Variants in ITPRID1 observed in about 807,000 individuals in gnomAD.
ITPRID1 encodes ITPR interacting domain containing 1.
In ITPRID1, 96 loss-of-function variants were observed where a neutral mutation model predicts 95.4. The observed-to-expected ratio is 1.01, with a 90% CI of 0.85 to 1.19. The LOEUF (loss-of-function observed/expected upper bound fraction) is 1.19, where lower values mean the gene tolerates loss of function less well. ITPRID1 is among the 50% of genes most tolerant of loss of function. ITPRID1 has a pLI of 0.00. For missense variants in ITPRID1, 1,339 were observed against 1,252.9 expected (o/e 1.07, Z -1.04); for synonymous variants, 510 against 453.6 (o/e 1.12, Z -1.58).
chr7:31,635,489 T>C (rs1206715265), intron 10 of ITPRID1, among the ~76,000 whole-genome samples: 1 of 152,228 alleles, frequency 6.6e-6, no homozygotes, highest in East Asian at 1.9e-4. Context: ...AATGTCTGAT[T>C]TTTTATTGCT....
At chr7:31,649,890 A>G (rs1054083017) in intron 12 of ITPRID1, among the ~76,000 whole-genome samples, 2 of 152,190 alleles carry the variant, frequency 1.3e-5, no homozygotes, top group Non-Finnish European at 2.9e-5. Context: ...ACAGCAGGGG[A>G]AAGAGCTGAG....
At chr7:31,636,996 C>T (rs1789552306) in intron 10 of ITPRID1, among the ~76,000 whole-genome samples, 2 of 150,036 alleles carry the variant, frequency 1.3e-5, no homozygotes, top group African/African-American at 4.9e-5. Context: ...TTTGGTTTTT[C>T]ATCCTTGCGA....
At chr7:31,613,458 T>TA (rs1032211364) in intron 10 of ITPRID1, among the ~76,000 whole-genome samples, 2 of 152,194 alleles carry the variant, frequency 1.3e-5, no homozygotes, top group African/African-American at 4.8e-5. Flanking sequence ...CTTTGTCTTT[T>TA]TAATAAAACC....
At chr7:31,590,491 T>C (rs538540866) in intron 10 of ITPRID1, among the ~76,000 whole-genome samples, 2 of 152,338 alleles carry the variant, frequency 1.3e-5, no homozygotes, top group South Asian at 4.1e-4. Context: ...AAAAAAGATA[T>C]ATATCTGATA....
intron 5 of ITPRID1, among the ~76,000 whole-genome samples, chr7:31,561,202 T>A (rs1021246980): frequency 6.6e-6 from 1 of 152,124 alleles, no homozygotes; most frequent in Admixed American, 6.5e-5. Context: ...AACAGAAAAC[T>A]GCTTTGAGGA....
chr7:31,554,349 C>A, intron 3 of ITPRID1, 126 bp from the exon 4 acceptor site: 1 of 1,405,194 alleles, frequency 7.1e-7, no homozygotes, highest in Non-Finnish European at 9.3e-7. Flanking sequence ...AATGAATATG[C>A]TTATGGAAGG....
intron 9 of ITPRID1, among the ~76,000 whole-genome samples, chr7:31,580,694 G>A (rs1048445046): frequency 6.6e-6 from 1 of 151,934 alleles, no homozygotes; most frequent in Non-Finnish European, 1.5e-5. Context: ...ATGTTTCTTC[G>A]GCACATAGTA....
chr7:31,637,493 A>G (rs1411519968), intron 10 of ITPRID1, among the ~76,000 whole-genome samples: 1 of 152,112 alleles, frequency 6.6e-6, no homozygotes, highest in African/African-American at 2.4e-5. Context: ...GCCAGTGATG[A>G]TGAGCATTTT....
In ITPRID1 at chr7:31,653,768, T is replaced by C. The variant is rs1791149257; in HGVS notation, c.*939T>C. 1 of 152,200 alleles carries C rather than the reference T, an allele frequency of 6.6e-6. No individual in the cohort carries two copies. The highest frequency in any genetic ancestry group is 2.4e-5 in the African/African-American group (1 of 41,450). The allele number at this position is 152,200 out of a possible 1,614,324, so 9.4% of individuals were successfully genotyped here. A position where few individuals can be genotyped will look rare whatever the true frequency, so the allele number is the denominator to read the frequency against. The stretch of plus-strand genomic sequence containing the variant: ...CTTTCACAGAATATAAACATGTACG[T>C]ACATTTATTATTAAAAACTCTGAAG... On this transcript the variant is annotated 3_prime_UTR_variant, in exon 15 of 15. Transcript: ENST00000615280.
At chr7:31,598,386 C>CT (rs70986632) in intron 10 of ITPRID1, among the ~76,000 whole-genome samples, 403 of 125,800 alleles carry the variant, frequency 3.2e-3, no homozygotes, top group African/African-American at 0.011. Flanking sequence ...TAGCGAATTT[C>CT]TTTTTTTTTT....
chr7:31,641,264 G>C (rs1015961029), intron 10 of ITPRID1, among the ~76,000 whole-genome samples: 4 of 152,058 alleles, frequency 2.6e-5, no homozygotes, highest in Non-Finnish European at 4.4e-5. Flanking sequence ...TATCACTTAG[G>C]TACCAAATAC....
intron 10 of ITPRID1, among the ~76,000 whole-genome samples, chr7:31,613,550 C>T (rs1583573725): frequency 6.6e-6 from 1 of 150,720 alleles, no homozygotes; most frequent in East Asian, 1.9e-4. Context: ...TCTATATTTG[C>T]TCTGTTTGTT....
At chr7:31,515,902 C>G (rs1016927405) in intron 1 of ITPRID1, among the ~76,000 whole-genome samples, 7 of 152,132 alleles carry the variant, frequency 4.6e-5, no homozygotes, top group Non-Finnish European at 1.0e-4. Context: ...GAAGTTTTAA[C>G]GAGGCTGAGC....
chr7:31,528,615 A>C (rs1583462585), intron 1 of ITPRID1, among the ~76,000 whole-genome samples: 1 of 152,332 alleles, frequency 6.6e-6, no homozygotes, highest in Non-Finnish European at 1.5e-5. Flanking sequence ...GAGATCTCCC[A>C]GAATAGGCTG....
At chr7:31,628,899 C>A (rs1788739468) in intron 10 of ITPRID1, among the ~76,000 whole-genome samples, 1 of 152,144 alleles carries the variant, frequency 6.6e-6, no homozygotes, top group Admixed American at 6.5e-5. Context: ...GTGGACTCAA[C>A]AAGGACAATG....
intron 1 of ITPRID1, among the ~76,000 whole-genome samples, chr7:31,521,992 C>A (rs1412215668): frequency 6.8e-6 from 1 of 146,552 alleles, no homozygotes; most frequent in African/African-American, 2.5e-5. Flanking sequence ...GGAGTGACAA[C>A]TTCCAAGCTC....
At chr7:31,616,466 T>TGATGTATTAA (rs1218839691) in intron 10 of ITPRID1, among the ~76,000 whole-genome samples, 1 of 152,142 alleles carries the variant, frequency 6.6e-6, no homozygotes, top group South Asian at 2.1e-4. Context: ...TGTGTTAAAG[T>TGATGTATTAA]GATGTATTAA....
At chr7:31,610,665 T>A (rs1786824880) in intron 10 of ITPRID1, among the ~76,000 whole-genome samples, 2 of 151,650 alleles carry the variant, frequency 1.3e-5, no homozygotes, top group African/African-American at 4.8e-5. Context: ...GTCTTCCTAA[T>A]AGATTGACTC....
Position 31,592,605 on chromosome 7 carries a change from C to A in ITPRID1, c.1228+9414C>A, listed in dbSNP as rs558533969. On this transcript the variant is annotated intron_variant, in intron 10 of 14. Coordinates refer to ENST00000615280, the MANE Select transcript of ITPRID1 (RefSeq NM_001257967.3). ...ATCCACCTCAGATCATCATAAGGAG[C>A]ACACAACCTAGATTCTTTGCATGTA... 9.2e-5 allele frequency among the ~76,000 whole-genome samples: 14 copies of A among 152,304 alleles called. No individual in the cohort carries two copies. The South Asian group carries it at 2.3e-3, about 25-fold the overall frequency.
Sources: allele counts gnomAD v4.1 joint callset (sites outside exome capture counted in the v4.1 genomes callset), GRCh38; gene constraint gnomAD v4.1.1; transcripts MANE v1.5; gene names NCBI Gene and HGNC (gene_info 2026-07-23, HGNC 2026-07-21).